DOCK4: variants seen among roughly 807,000 people sequenced by gnomAD.
The protein encoded by DOCK4 is dedicator of cytokinesis protein 4.
DOCK4 carries 97 observed loss-of-function variants against 268.1 expected under a neutral mutation model. The observed-to-expected ratio is 0.36, with a 90% confidence interval of 0.31 to 0.43. The LOEUF (loss-of-function observed/expected upper bound fraction) is 0.43. Among genes scored for constraint, DOCK4 ranks in the 20% least tolerant of loss-of-function variants. The pLI, the probability that DOCK4 is intolerant of heterozygous loss-of-function variation, is 1.00. For missense variants in DOCK4, 2,145 were observed against 2,455.7 expected (o/e 0.87, Z 2.67); for synonymous variants, 954 against 887.2 (o/e 1.08, Z -1.34).
chr7:111,976,927 G>A (rs980787202), intron 8 of DOCK4: 11 of 481,164 alleles, frequency 2.3e-5, no homozygotes, highest in African/African-American at 1.7e-4. Flanking sequence ...TAGCCCTTAT[G>A]AATTTTTCAA....
chr7:112,181,310 T>C (rs963523463), intron 1 of DOCK4, among the ~76,000 whole-genome samples: 1 of 152,146 alleles, frequency 6.6e-6, no homozygotes, highest in Non-Finnish European at 1.5e-5. Flanking sequence ...TATGATTGTA[T>C]ATATTTACAT....
chr7:112,077,663 A>G (rs73210927), intron 1 of DOCK4, among the ~76,000 whole-genome samples: 40,520 of 151,922 alleles, frequency 0.27, 6,423 homozygotes, highest in Non-Finnish European at 0.36. Context: ...TGATTTATTA[A>G]TATGTGCGTG....
At chr7:112,176,870 T>C (rs1245243274) in intron 1 of DOCK4, among the ~76,000 whole-genome samples, 1 of 152,214 alleles carries the variant, frequency 6.6e-6, no homozygotes, top group Non-Finnish European at 1.5e-5. Flanking sequence ...TGTGCTTGTT[T>C]TTAATGACAT....
intron 1 of DOCK4, among the ~76,000 whole-genome samples, chr7:112,015,424 C>A (rs1273769148): frequency 6.6e-6 from 1 of 152,166 alleles, no homozygotes; most frequent in East Asian, 1.9e-4. Context: ...TAGCAGCCCT[C>A]AGGGCTGCTC....
At chr7:112,131,197 G>A (rs1489171879) in intron 1 of DOCK4, among the ~76,000 whole-genome samples, 1 of 152,146 alleles carries the variant, frequency 6.6e-6, no homozygotes, top group Non-Finnish European at 1.5e-5. Flanking sequence ...CTCACTAGAT[G>A]AGATCAGCTC....
At chr7:111,996,054 C>A (rs1168083946) in intron 4 of DOCK4, among the ~76,000 whole-genome samples, 2 of 152,110 alleles carry the variant, frequency 1.3e-5, no homozygotes, top group Non-Finnish European at 2.9e-5. Flanking sequence ...TGATCCTATA[C>A]AAGGTCAAGG....
At chr7:112,143,675 C>G (rs1398885365) in intron 1 of DOCK4, among the ~76,000 whole-genome samples, 1 of 152,204 alleles carries the variant, frequency 6.6e-6, no homozygotes, top group Non-Finnish European at 1.5e-5. Context: ...TCCAACCAGT[C>G]AGATGCCCTG....
At chr7:111,879,652 T>C (rs1807213139) in intron 16 of DOCK4, among the ~76,000 whole-genome samples, 1 of 152,190 alleles carries the variant, frequency 6.6e-6, no homozygotes, top group Non-Finnish European at 1.5e-5. Context: ...AATAGCTGTT[T>C]TGAGGAAACT....
chr7:111,791,840 G>A (rs1289273831), intron 30 of DOCK4, among the ~76,000 whole-genome samples: 2 of 152,206 alleles, frequency 1.3e-5, no homozygotes, highest in Admixed American at 6.5e-5. Flanking sequence ...AAAGTGCTGG[G>A]ATTACAAGCA....
At chr7:112,061,005 G>T (rs1288636552) in intron 1 of DOCK4, among the ~76,000 whole-genome samples, 2 of 152,126 alleles carry the variant, frequency 1.3e-5, no homozygotes, top group Admixed American at 6.5e-5. Context: ...TAGAAAAAGA[G>T]ATGTATTTGA....
chr7:111,893,089 G>T (rs1193583519), intron 16 of DOCK4, among the ~76,000 whole-genome samples: 1 of 152,110 alleles, frequency 6.6e-6, no homozygotes, highest in Non-Finnish European at 1.5e-5. Flanking sequence ...AGGATTCTTA[G>T]TACTAAGTCA....
At chr7:112,044,252 T>C (rs1804640011) in intron 1 of DOCK4, among the ~76,000 whole-genome samples, 1 of 152,074 alleles carries the variant, frequency 6.6e-6, no homozygotes, top group Non-Finnish European at 1.5e-5. Flanking sequence ...ACTAGTAAGG[T>C]TCCCCCCATT....
rs577470340 is a variant in DOCK4 at position 111,853,356 on chromosome 7, C to T, written c.2474-6230G>A. The stretch of plus-strand genomic sequence containing the variant: ...GCACTGCTGAGGGGCGGCCTCAGTA[C>T]GGGGAGATTGTAAACAAGGGAGGCA... On this transcript the variant is annotated intron_variant, in intron 23 of 52. Transcript: ENST00000428084. Among the ~76,000 whole-genome samples the T allele has an allele frequency of 1.3e-4, 20 of 152,150 alleles. No individual in the cohort carries two copies. The South Asian group carries it at 4.2e-3, about 32-fold the overall frequency.
At chr7:111,842,700 G>T (rs531495099) in intron 25 of DOCK4, among the ~76,000 whole-genome samples, 1 of 152,192 alleles carries the variant, frequency 6.6e-6, no homozygotes. Flanking sequence ...CTGGGGTGGT[G>T]TCAAAGAGGC....
rs956748734 is a variant in DOCK4, at chr7:111,875,956, T to C, written c.1744+1074A>G. On this transcript the variant is annotated intron_variant, in intron 17 of 52. Transcript: ENST00000428084. ...AGTTAAACATGAATGCAAACTCTAC[T>C]ACCCACACACACCTAATCCACATAG... Among the ~76,000 whole-genome samples the C allele has an allele frequency of 2.0e-5, 3 of 152,334 alleles. No individual in the cohort carries two copies. The East Asian group carries it at 5.8e-4, about 29-fold the overall frequency.
chr7:111,799,957 T>G (rs1241739244), intron 30 of DOCK4, among the ~76,000 whole-genome samples: 1 of 152,170 alleles, frequency 6.6e-6, no homozygotes, highest in Admixed American at 6.5e-5. Context: ...GGAATTCTGG[T>G]TGTAAAATTC....
intron 35 of DOCK4, among the ~76,000 whole-genome samples, chr7:111,779,084 A>T (rs553016218): frequency 3.2e-4 from 48 of 152,024 alleles, no homozygotes; most frequent in African/African-American, 8.7e-4. Context: ...TCTAAAAAAA[A>T]AAAATAAAAA....
At chr7:111,829,788 T>C (rs1353225547) in intron 26 of DOCK4, among the ~76,000 whole-genome samples, 1 of 152,338 alleles carries the variant, frequency 6.6e-6, no homozygotes, top group Non-Finnish European at 1.5e-5. Flanking sequence ...GGTCTTCACT[T>C]CCTTTACTAC....
At chr7:112,048,125 T>C (rs1472651831) in intron 1 of DOCK4, among the ~76,000 whole-genome samples, 1 of 151,988 alleles carries the variant, frequency 6.6e-6, no homozygotes, top group East Asian at 1.9e-4. Context: ...CTAAAATTTT[T>C]CCAAATTCGA....
Sources: allele counts gnomAD v4.1 joint callset (sites outside exome capture counted in the v4.1 genomes callset), GRCh38; gene constraint gnomAD v4.1.1; transcripts MANE v1.5; gene names NCBI Gene and HGNC (gene_info 2026-07-23, HGNC 2026-07-21).